Variants in CDK14 observed in about 807,000 individuals in gnomAD.
CDK14 encodes cyclin-dependent kinase 14.
A neutral mutation model predicts 60.7 loss-of-function variants in CDK14; 34 were observed. The observed-to-expected ratio is 0.56, with a 90% CI of 0.43 to 0.75. CDK14 has a LOEUF of 0.75. Among genes scored for constraint, CDK14 ranks in the 30% least tolerant of loss-of-function variants. CDK14 has a pLI of 0.00. For missense variants in CDK14, 482 were observed against 564.1 expected (o/e 0.85, Z 1.47); for synonymous variants, 197 against 203.7 (o/e 0.97, Z 0.28).
chr7:91,137,696 GT>G (rs60855165), intron 14 of CDK14, among the ~76,000 whole-genome samples: 4,041 of 28,166 alleles, frequency 0.14, 69 homozygotes, highest in Non-Finnish European at 0.23. Context: ...TGTGGGGGGT[GT>G]GTGTGTGTGT....
intron 6 of CDK14, among the ~76,000 whole-genome samples, chr7:90,864,640 A>G (rs1161924744): frequency 6.6e-6 from 1 of 152,168 alleles, no homozygotes; most frequent in Non-Finnish European, 1.5e-5. Flanking sequence ...TAATGTGAAA[A>G]TATGTCCTCT....
chr7:90,876,069 G>C (rs1791549102), intron 6 of CDK14, among the ~76,000 whole-genome samples: 1 of 151,646 alleles, frequency 6.6e-6, no homozygotes, highest in Admixed American at 6.6e-5. Flanking sequence ...TTGAATATTT[G>C]AGGCTTTGGC....
chr7:90,838,301 TCTTCATAGG>T (rs1284496746), intron 5 of CDK14, among the ~76,000 whole-genome samples: 1 of 152,188 alleles, frequency 6.6e-6, no homozygotes, highest in Non-Finnish European at 1.5e-5. Flanking sequence ...AATCCTGTCA[TCTTCATAGG>T]CTGAGGATGT....
intron 14 of CDK14, among the ~76,000 whole-genome samples, chr7:91,203,909 G>A (rs1802801417): frequency 6.6e-6 from 1 of 152,134 alleles, no homozygotes; most frequent in South Asian, 2.1e-4. Flanking sequence ...TAGTTACATG[G>A]AGCAGCATGT....
At chr7:91,013,929 T>C (rs1436916485) in intron 10 of CDK14, among the ~76,000 whole-genome samples, 1 of 152,052 alleles carries the variant, frequency 6.6e-6, no homozygotes, top group African/African-American at 2.4e-5. Flanking sequence ...GAAATTGAAC[T>C]GGAAAGTAGG....
In CDK14 at chr7:90,784,720, G is replaced by A. The variant is rs146283085; in HGVS notation, c.465-5853G>A. ...TAAAGTATTGTAGTTAGCACTTTTA[G>A]GATATTCCTGAAGAGTAAATGTTAA... is the stretch of plus-strand genomic sequence containing the variant. On this transcript the variant is annotated intron_variant, in intron 4 of 14. Coordinates refer to ENST00000380050, the MANE Select transcript of CDK14 (RefSeq NM_001287135.2). Among the ~76,000 whole-genome samples, 9 of 152,104 alleles carry A rather than the reference G, an allele frequency of 5.9e-5. No individual in the cohort carries two copies. The East Asian group carries it at 1.7e-3, about 29-fold the overall frequency.
intron 9 of CDK14, among the ~76,000 whole-genome samples, chr7:90,958,840 G>A (rs1259723622): frequency 2.0e-5 from 3 of 152,054 alleles, no homozygotes; most frequent in Non-Finnish European, 4.4e-5. Context: ...CTGTGGCTTG[G>A]AGCCAGTTTT....
chr7:90,888,419 C>T (rs1792019394), intron 6 of CDK14, among the ~76,000 whole-genome samples: 1 of 152,094 alleles, frequency 6.6e-6, no homozygotes, highest in African/African-American at 2.4e-5. Context: ...TTCTGAGTCA[C>T]GCATTTAGTA....
At chr7:90,862,723 A>G (rs1252475473) in intron 5 of CDK14, among the ~76,000 whole-genome samples, 2 of 152,216 alleles carry the variant, frequency 1.3e-5, no homozygotes, top group Non-Finnish European at 1.5e-5. Flanking sequence ...TTCCATACCT[A>G]TGGAATGTAT....
chr7:90,791,427 G>C (rs1805825628), intron 5 of CDK14, among the ~76,000 whole-genome samples: 1 of 151,972 alleles, frequency 6.6e-6, no homozygotes, highest in African/African-American at 2.4e-5. Context: ...GTTTATTTTT[G>C]CATTGAAAGG....
intron 8 of CDK14, 121 bp downstream of exon 8, chr7:90,917,845 T>G: frequency 1.0e-5 from 10 of 1,001,852 alleles, no homozygotes; most frequent in Non-Finnish European, 1.4e-5. Flanking sequence ...AATTTTTTTT[T>G]TCTGAAATGA....
chr7:91,130,409 A>T (rs1350402408), intron 14 of CDK14, among the ~76,000 whole-genome samples: 1 of 152,160 alleles, frequency 6.6e-6, no homozygotes, highest in African/African-American at 2.4e-5. Context: ...AGCAGCTACA[A>T]ACCATAGAAG....
intron 2 of CDK14, among the ~76,000 whole-genome samples, chr7:90,665,177 C>T (rs183729381): frequency 0.048 from 7,262 of 151,636 alleles, 209 homozygotes; most frequent in Non-Finnish European, 0.055. Flanking sequence ...CCCAGCTACT[C>T]GGGAGGCTGA....
intron 6 of CDK14, among the ~76,000 whole-genome samples, chr7:90,895,394 T>A (rs557498259): frequency 3.2e-4 from 2 of 6,158 alleles, no homozygotes; most frequent in African/African-American, 1.4e-3. Context: ...TCCTCTCCTC[T>A]CCTCTCCTCT....
intron 8 of CDK14, among the ~76,000 whole-genome samples, chr7:90,931,506 T>G (rs1452744177): frequency 6.6e-6 from 1 of 152,212 alleles, no homozygotes; most frequent in African/African-American, 2.4e-5. Context: ...TCCATTTCCT[T>G]TCCTCTGCAA....
intron 10 of CDK14, among the ~76,000 whole-genome samples, chr7:91,003,255 C>T (rs1054000327): frequency 6.6e-6 from 1 of 152,040 alleles, no homozygotes; most frequent in Non-Finnish European, 1.5e-5. Context: ...TCTACTAATT[C>T]TAGTTGTAAA....
chr7:90,601,459 A>G (rs1178483146), intron 1 of CDK14, among the ~76,000 whole-genome samples: 1 of 152,228 alleles, frequency 6.6e-6, no homozygotes, highest in African/African-American at 2.4e-5. Context: ...GAATGACTTC[A>G]GTGAAGTAAT....
intron 4 of CDK14, among the ~76,000 whole-genome samples, chr7:90,779,644 A>G (rs553759647): frequency 3.3e-5 from 5 of 152,338 alleles, no homozygotes; most frequent in Middle Eastern, 3.4e-3. Context: ...CCATGAAGCC[A>G]TCACCCATCT....
intron 7 of CDK14, among the ~76,000 whole-genome samples, chr7:90,916,201 A>T (rs1168704421): frequency 6.6e-6 from 1 of 152,204 alleles, no homozygotes; most frequent in East Asian, 1.9e-4. Flanking sequence ...GAAGTGAAGA[A>T]TGAGGCTGGC....
Sources: gnomAD v4.1 joint callset for allele counts (sites outside exome capture counted in the v4.1 genomes callset) on GRCh38, gnomAD v4.1.1 for gene constraint, MANE v1.5 for transcripts, NCBI Gene and HGNC (gene_info 2026-07-23, HGNC 2026-07-21) for gene names.